POP1: variants seen among roughly 807,000 people sequenced by gnomAD.
POP1 encodes the protein ribonucleases P/MRP protein subunit POP1.
POP1 carries 75 observed loss-of-function variants against 102.2 expected under a neutral mutation model. The observed-to-expected ratio is 0.73, with a 90% CI of 0.61 to 0.89. POP1 has a LOEUF of 0.89. POP1 is among the 40% of genes least tolerant of loss of function. The pLI is 0.00. For missense variants in POP1, 1,116 were observed against 1,267.4 expected (o/e 0.88, Z 1.81); for synonymous variants, 436 against 464.1 (o/e 0.94, Z 0.78).
At position 98,133,975 on chromosome 8, in the gene POP1, G is replaced by A. The variant is rs758212536; in HGVS notation, c.762G>A (p.Glu254=). The A allele has an allele frequency of 6.2e-7, 1 of 1,613,500 alleles. No individual in the cohort carries two copies. The highest frequency in any genetic ancestry group is 8.5e-7 in the Non-Finnish European group (1 of 1,179,458). ...ATTTATCCTATTACTGTTGTTTGGA[G>A]TTGAAAGGCAAAGAGGAAGAAATAC... ...LQDLSYYCCL[E]LKGKEEEILK... The change falls in exon 6 of 16, where the codon GAG becomes GAA. Residue 254 remains glutamate (E), a synonymous_variant. Coordinates refer to ENST00000401707, the MANE Select transcript of POP1 (RefSeq NM_001145860.2).
intron 5 of POP1, among the ~76,000 whole-genome samples, chr8:98,131,224 C>A (rs1480872848): frequency 6.6e-6 from 1 of 152,188 alleles, no homozygotes; most frequent in Non-Finnish European, 1.5e-5. Context: ...ACTTTTTTAT[C>A]CTTCCAAACT....
intron 1 of POP1, among the ~76,000 whole-genome samples, chr8:98,120,948 A>G (rs945846600): frequency 1.3e-5 from 2 of 151,614 alleles, no homozygotes; most frequent in African/African-American, 4.9e-5. Context: ...TCCCGGCCTC[A>G]TTTTTGTATT....
chr8:98,157,333 C>A (rs1432901052), intron 15 of POP1, among the ~76,000 whole-genome samples: 1 of 152,120 alleles, frequency 6.6e-6, no homozygotes, highest in Non-Finnish European at 1.5e-5. Context: ...TTTATTTTCA[C>A]CCTCACTGTG....
chr8:98,141,646 T>G (rs1013771565), intron 11 of POP1, among the ~76,000 whole-genome samples: 2 of 151,906 alleles, frequency 1.3e-5, no homozygotes, highest in Non-Finnish European at 2.9e-5. Context: ...CTCCACCTCC[T>G]GGGTTCAAGT....
chr8:98,123,775 C>CAA (rs1274675081), intron 2 of POP1, among the ~76,000 whole-genome samples: 45 of 123,790 alleles, frequency 3.6e-4, no homozygotes, highest in Non-Finnish European at 4.1e-4. Flanking sequence ...GACTGTGTCT[C>CAA]AAAAAAAAAA....
chr8:98,155,424 G>T (rs969269834), intron 14 of POP1, among the ~76,000 whole-genome samples: 2 of 150,720 alleles, frequency 1.3e-5, no homozygotes, highest in African/African-American at 2.4e-5. Context: ...GGGATTACAG[G>T]CATGTGCCAC....
Position 98,127,639 on chromosome 8 carries a change from C to T in POP1, c.187C>T (p.Pro63Ser). ...TSRQRQTRVN[P>S]HSLPDPEVNE... ...ACGACAGCGGCAAACCAGAGTCAAC[C>T]CCCATTCTCTGCCTGACCCTGAAGT... The change falls in exon 3 of 16, where the codon CCC becomes TCC. Residue 63 changes from proline (P) to serine (S), a missense_variant. Physicochemically the swap from Pro to Ser is moderately conservative, Grantham distance 74. Transcript: ENST00000401707. The T allele has an allele frequency of 6.2e-7, 1 of 1,614,126 alleles. No homozygotes were observed. Among genetic ancestry groups the T allele is most frequent in the Non-Finnish European group, 8.5e-7 (1 of 1,180,020 alleles).
intron 2 of POP1, among the ~76,000 whole-genome samples, chr8:98,124,761 A>G (rs149312879): frequency 6.6e-6 from 1 of 152,334 alleles, no homozygotes; most frequent in East Asian, 1.9e-4. Context: ...AATGATTATT[A>G]TACTTCTGTG....
Position 98,157,653 on chromosome 8 carries a change from TG to T in POP1, c.2460del (p.Ser822ValfsTer19). The T allele has an allele frequency of 6.2e-7, 1 of 1,614,214 alleles. No individual in the cohort carries two copies. The highest frequency in any genetic ancestry group is 8.5e-7 in the Non-Finnish European group (1 of 1,180,028). On this transcript the variant is annotated frameshift_variant, in exon 16 of 16. Coordinates refer to ENST00000401707, the MANE Select transcript of POP1 (RefSeq NM_001145860.2). LOFTEE classifies it low-confidence loss of function (END_TRUNC). Reference sequence around the variant, plus strand: ...TACTGAAGCAACTGTCAGCCTGGTGTGGGCCCAGTTCTGAGGATAGTCGGGG... The same window carrying T: ...TACTGAAGCAACTGTCAGCCTGGTGTGGCCCAGTTCTGAGGATAGTCGGGG... ...KLLKQLSAWC[G>X]PSSEDSRGGR...
At chr8:98,128,242 C>G in intron 3 of POP1, 123 bp from the exon 4 acceptor site, 1 of 889,608 alleles carries the variant, frequency 1.1e-6, no homozygotes, top group Non-Finnish European at 1.8e-6. Flanking sequence ...CTTAGATATG[C>G]TTTCTGGTCT....
At chr8:98,149,113 A>T in intron 13 of POP1, 107 bp downstream of exon 13, 2 of 1,104,252 alleles carry the variant, frequency 1.8e-6, no homozygotes, top group Non-Finnish European at 2.7e-6. Context: ...GGAGGAATTG[A>T]GTGGTGTATT....
intron 14 of POP1, among the ~76,000 whole-genome samples, chr8:98,155,747 A>ATT (rs1278197206): frequency 4.1e-5 from 6 of 145,552 alleles, no homozygotes; most frequent in African/African-American, 1.5e-4. Context: ...TGCCCGGCTA[A>ATT]TTTTTGTATT....
intron 1 of POP1, among the ~76,000 whole-genome samples, chr8:98,119,637 T>C (rs989757845): frequency 2.0e-5 from 3 of 152,102 alleles, no homozygotes; most frequent in African/African-American, 7.2e-5. Flanking sequence ...TGCAGTAATG[T>C]GATCAAGGCT....
intron 14 of POP1, among the ~76,000 whole-genome samples, 170 bp downstream of exon 14, chr8:98,150,809 TTATATC>T (rs1809495793): frequency 6.6e-6 from 1 of 152,236 alleles, no homozygotes; most frequent in Non-Finnish European, 1.5e-5. Flanking sequence ...GGAGATTGTC[TTATATC>T]TATTTGGCTT....
Position 98,148,834 on chromosome 8 carries a change from G to T in POP1, c.1730G>T (p.Ser577Ile). 6.2e-7 allele frequency: 1 copy of T among 1,613,422 alleles called. No individual in the cohort carries two copies. Among genetic ancestry groups the T allele is most frequent in the Non-Finnish European group, 8.5e-7 (1 of 1,179,660 alleles). The part of the protein sequence containing the change: ...ISDQDLNRMR[S>I]ELLVPGSQLI... ...CTTTAGGATTTAAACCGGATGAGGA[G>T]TGAATTGCTGGTGCCTGGGTCACAG... The change falls in exon 13 of 16, where the codon AGT (serine) becomes ATT (isoleucine). Residue 577 changes from serine (S) to isoleucine (I), a missense_variant. By Grantham distance (142) the Ser-to-Ile change is moderately radical. Coordinates refer to ENST00000401707, the MANE Select transcript of POP1 (RefSeq NM_001145860.2).
chr8:98,154,118 G>C (rs1208924708), intron 14 of POP1, among the ~76,000 whole-genome samples: 2 of 152,212 alleles, frequency 1.3e-5, no homozygotes, highest in Non-Finnish European at 2.9e-5. Flanking sequence ...GTTTCTGGGA[G>C]AGTGGAAGAC....
In POP1 at chr8:98,156,337, G is replaced by T; in HGVS notation, c.2345G>T (p.Gly782Val). The T allele has an allele frequency of 6.2e-7, 1 of 1,614,076 alleles. No homozygotes were observed. Among genetic ancestry groups the T allele is most frequent in the Non-Finnish European group, 8.5e-7 (1 of 1,180,022 alleles). The change falls in exon 15 of 16, where the codon GGG becomes GTG. Residue 782 changes from glycine (G) to valine (V), a missense_variant. Physicochemically the swap from Gly to Val is moderately radical, Grantham distance 109. Coordinates refer to ENST00000401707, the MANE Select transcript of POP1 (RefSeq NM_001145860.2). The stretch of plus-strand genomic sequence containing the variant: ...GATGCAGGGTGTCAAGAATCGGCAG[G>T]GCCTGAGAGGATCACAGACCAGGAG... ...VMDAGCQESA[G>V]PERITDQEAS... is the part of the protein sequence containing the mutation.
At chr8:98,126,544 G>A (rs1479971862) in intron 2 of POP1, among the ~76,000 whole-genome samples, 1 of 152,062 alleles carries the variant, frequency 6.6e-6, no homozygotes, top group Non-Finnish European at 1.5e-5. Context: ...CACCCACAAA[G>A]ACAAATAAAA....
At chr8:98,132,240 C>T (rs907281597) in intron 5 of POP1, among the ~76,000 whole-genome samples, 8 of 152,144 alleles carry the variant, frequency 5.3e-5, no homozygotes, top group African/African-American at 1.9e-4. Flanking sequence ...ACCATTATTT[C>T]CATTTTACAG....
Sources: gnomAD v4.1 joint callset for allele counts (sites outside exome capture counted in the v4.1 genomes callset) on GRCh38, gnomAD v4.1.1 for gene constraint, MANE v1.5 for transcripts, NCBI Gene and HGNC (gene_info 2026-07-23, HGNC 2026-07-21) for gene names.